ZBTB20: variants seen among roughly 807,000 people sequenced by gnomAD.
The protein encoded by ZBTB20 is zinc finger and BTB domain containing 20.
A neutral mutation model predicts 56.9 loss-of-function variants in ZBTB20; 9 were observed. The observed-to-expected ratio is 0.16, with a 90% CI of 0.10 to 0.28. ZBTB20 has a LOEUF of 0.28. ZBTB20 is among the 10% of genes least tolerant of loss of function. ZBTB20 has a pLI of 1.00. For missense variants in ZBTB20, 655 were observed against 1,003.0 expected, an observed-to-expected ratio of 0.65 and a Z score of 4.69; for synonymous variants, 417 against 420.7, an observed-to-expected ratio of 0.99 and a Z score of 0.11.
chr3:114,505,987 T>G (rs1233760278), intron 6 of ZBTB20, among the ~76,000 whole-genome samples: 1 of 152,138 alleles, frequency 6.6e-6, no homozygotes, highest in Admixed American at 6.6e-5. Context: ...GAAAGCCAGA[T>G]GCAAGGGTAT....
chr3:114,594,316 G>C (rs1020399459), intron 6 of ZBTB20, among the ~76,000 whole-genome samples: 11 of 148,760 alleles, frequency 7.4e-5, no homozygotes, highest in Non-Finnish European at 1.3e-4. Context: ...CACCAGGCTG[G>C]AGTGCAGTGG....
chr3:114,880,001 T>C (rs2076339967), intron 4 of ZBTB20, among the ~76,000 whole-genome samples: 1 of 152,212 alleles, frequency 6.6e-6, no homozygotes, highest in East Asian at 1.9e-4. Flanking sequence ...TTTTAAAAAT[T>C]AGCAGTTTCT....
rs2078719689 is a variant in ZBTB20, at chr3:114,317,249, G to C, written c.*21756C>G. 1 of 152,238 alleles carries C rather than the reference G, an allele frequency of 6.6e-6. No homozygotes were observed. Among genetic ancestry groups the C allele is most frequent in the South Asian group, 2.1e-4 (1 of 4,820 alleles). The allele number at this position is 152,238 out of a possible 1,614,324, so 9.4% of individuals were successfully genotyped here. On this transcript the variant is annotated 3_prime_UTR_variant, in exon 12 of 12. Coordinates refer to ENST00000675478, the MANE Select transcript of ZBTB20 (RefSeq NM_001348800.3). ...TCTCCCATTGCTCCATTAAAATATT[G>C]CATGTGATACCATTCGTTTGTGTGT...
At chr3:114,419,909 G>A (rs1423422617) in intron 7 of ZBTB20, among the ~76,000 whole-genome samples, 1 of 152,086 alleles carries the variant, frequency 6.6e-6, no homozygotes, top group African/African-American at 2.4e-5. Context: ...GTGAGTAGAT[G>A]TACACTTGAG....
chr3:115,126,332 A>G (rs1157471617), intron 1 of ZBTB20, among the ~76,000 whole-genome samples: 1 of 152,224 alleles, frequency 6.6e-6, no homozygotes, highest in Non-Finnish European at 1.5e-5. Flanking sequence ...TATACATCTT[A>G]TGACACAGCG....
At chr3:114,680,478 C>T (rs1051378749) in intron 6 of ZBTB20, among the ~76,000 whole-genome samples, 1 of 152,042 alleles carries the variant, frequency 6.6e-6, no homozygotes, top group East Asian at 1.9e-4. Flanking sequence ...GTTTTACAAA[C>T]AAACAAACCA....
chr3:114,987,747 T>C (rs2078608667), intron 2 of ZBTB20, among the ~76,000 whole-genome samples: 1 of 152,134 alleles, frequency 6.6e-6, no homozygotes, highest in Non-Finnish European at 1.5e-5. Context: ...TAGACATGAA[T>C]ACAGCACAAA....
intron 6 of ZBTB20, among the ~76,000 whole-genome samples, chr3:114,531,856 G>C (rs1577333574): frequency 6.6e-6 from 1 of 152,136 alleles, no homozygotes; most frequent in East Asian, 1.9e-4. Flanking sequence ...AAGCAGGGTG[G>C]GGCATCGCTT....
At chr3:114,794,883 G>A (rs756431360) in intron 5 of ZBTB20, among the ~76,000 whole-genome samples, 2 of 151,878 alleles carry the variant, frequency 1.3e-5, no homozygotes, top group African/African-American at 2.4e-5. Flanking sequence ...CCAGGTGCCC[G>A]GTCATTGCAC....
intron 7 of ZBTB20, among the ~76,000 whole-genome samples, chr3:114,477,489 CTTTTT>C (rs765333264): frequency 5.5e-5 from 6 of 109,264 alleles, no homozygotes; most frequent in African/African-American, 1.9e-4. Flanking sequence ...GTTCCCTGCA[CTTTTT>C]TTTTTTTTTT....
At chr3:115,135,658 A>C (rs1021104241) in intron 1 of ZBTB20, among the ~76,000 whole-genome samples, 2 of 152,206 alleles carry the variant, frequency 1.3e-5, no homozygotes, top group Non-Finnish European at 2.9e-5. Context: ...TATAAATATG[A>C]AAAAGTATGT....
chr3:114,406,063 T>A (rs2087293276), intron 7 of ZBTB20, among the ~76,000 whole-genome samples: 2 of 152,146 alleles, frequency 1.3e-5, no homozygotes, highest in African/African-American at 2.4e-5. Context: ...TGTTATTTTT[T>A]AAAATTGTCT....
At chr3:114,539,185 A>C (rs573991317) in intron 6 of ZBTB20, among the ~76,000 whole-genome samples, 2 of 152,256 alleles carry the variant, frequency 1.3e-5, no homozygotes, top group East Asian at 1.9e-4. Context: ...TAATTTTGGA[A>C]AGTCACAATT....
chr3:114,755,132 T>C (rs1018066033), intron 5 of ZBTB20, among the ~76,000 whole-genome samples: 1 of 152,186 alleles, frequency 6.6e-6, no homozygotes, highest in Non-Finnish European at 1.5e-5. Context: ...AGGTAATCCC[T>C]AGGTAATCCT....
At chr3:114,560,165 C>A (rs1219443274) in intron 6 of ZBTB20, among the ~76,000 whole-genome samples, 2 of 152,102 alleles carry the variant, frequency 1.3e-5, no homozygotes, top group Non-Finnish European at 2.9e-5. Flanking sequence ...CACATACTAT[C>A]AAAGCAGAGT....
intron 7 of ZBTB20, among the ~76,000 whole-genome samples, chr3:114,485,262 C>G (rs1383892071): frequency 6.6e-6 from 1 of 152,080 alleles, no homozygotes; most frequent in Non-Finnish European, 1.5e-5. Flanking sequence ...AAACTAAAAC[C>G]CTACACAATC....
intron 5 of ZBTB20, among the ~76,000 whole-genome samples, chr3:114,728,244 TGTTTTACA>T (rs1265723867): frequency 3.3e-5 from 5 of 152,218 alleles, no homozygotes; most frequent in Non-Finnish European, 7.3e-5. Context: ...ATTTGTATGG[TGTTTTACA>T]GTTTATAAAT....
chr3:114,735,729 T>C (rs9845074), intron 5 of ZBTB20, among the ~76,000 whole-genome samples: 13,642 of 152,224 alleles, frequency 0.09, 847 homozygotes, highest in Non-Finnish European at 0.13. Context: ...ATAATAATTG[T>C]ATAACTTACA....
chr3:114,760,179 C>A (rs1050996877), intron 5 of ZBTB20, among the ~76,000 whole-genome samples: 1 of 151,964 alleles, frequency 6.6e-6, no homozygotes, highest in African/African-American at 2.4e-5. Flanking sequence ...AGAATATATG[C>A]CTGTGTTTGA....
Sources: gnomAD v4.1 joint callset for allele counts (sites outside exome capture counted in the v4.1 genomes callset) on GRCh38, gnomAD v4.1.1 for gene constraint, MANE v1.5 for transcripts, NCBI Gene and HGNC (gene_info 2026-07-23, HGNC 2026-07-21) for gene names.